Variants in TTC3 observed in about 807,000 individuals in gnomAD.
TTC3 encodes the protein E3 ubiquitin-protein ligase TTC3.
Under a neutral mutation model 249.6 loss-of-function variants are expected in TTC3, and 180 were observed. The observed-to-expected ratio is 0.72, with a 90% CI of 0.64 to 0.82. TTC3 has a LOEUF of 0.82. TTC3 is among the 40% of genes least tolerant of loss of function. The pLI, the probability that TTC3 is intolerant of heterozygous loss-of-function variation, is 0.00. For synonymous variants in TTC3, 717 were observed against 805.0 expected (o/e 0.89, Z 1.85); for missense variants, 2,061 against 2,398.4 (o/e 0.86, Z 2.94).
At chr21:37,141,484 T>C (rs761219200) in intron 20 of TTC3, among the ~76,000 whole-genome samples, 1 of 152,076 alleles carries the variant, frequency 6.6e-6, no homozygotes, top group Non-Finnish European at 1.5e-5. Context: ...GAAAGTTTTT[T>C]TTTGGCCAGG....
In TTC3 at chr21:37,107,188, A is replaced by G. The variant is rs546325635; in HGVS notation, c.846-1204A>G. ...CTTTAAGAGTGATGAATTAGCATAA[A>G]TATGAATGTGAAATGATGAACCAGC... On this transcript the variant is annotated intron_variant, in intron 10 of 45. Transcript: ENST00000355666. Among the ~76,000 whole-genome samples, 7 of 152,228 alleles carry G rather than the reference A, an allele frequency of 4.6e-5. No homozygotes were observed. The East Asian group carries it at 1.4e-3, about 29-fold the overall frequency.
intron 10 of TTC3, among the ~76,000 whole-genome samples, chr21:37,104,263 A>G (rs1375221899): frequency 2.0e-5 from 3 of 152,202 alleles, no homozygotes; most frequent in Non-Finnish European, 4.4e-5. Flanking sequence ...TGTAGGAGGT[A>G]GAACTGGACT....
At chr21:37,177,001 C>A (rs2040126) in intron 35 of TTC3, among the ~76,000 whole-genome samples, 18,955 of 152,178 alleles carry the variant, frequency 0.12, 1,335 homozygotes, top group Admixed American at 0.16. Context: ...TGACACATGA[C>A]TGTAATCGCT....
At chr21:37,136,434 A>C (rs957216371) in intron 18 of TTC3, among the ~76,000 whole-genome samples, 1 of 152,226 alleles carries the variant, frequency 6.6e-6, no homozygotes, top group African/African-American at 2.4e-5. Flanking sequence ...AAGAAAGTGA[A>C]ACAACTTTCT....
chr21:37,144,318 G>A (rs929842512), intron 20 of TTC3, among the ~76,000 whole-genome samples: 20 of 151,984 alleles, frequency 1.3e-4, no homozygotes, highest in Admixed American at 5.2e-4. Context: ...TGTCCAAGAC[G>A]AGTTGTGTTT....
intron 28 of TTC3, chr21:37,158,330 C>T (rs746198453): frequency 1.8e-4 from 86 of 465,674 alleles, no homozygotes; most frequent in Non-Finnish European, 2.3e-4. Flanking sequence ...GTGTTCTCTA[C>T]ATATAATACA....
At chr21:37,124,112 C>CTTTTTGTTTTTTT (rs2076852570) in intron 13 of TTC3, among the ~76,000 whole-genome samples, 1 of 61,272 alleles carries the variant, frequency 1.6e-5, no homozygotes, top group Non-Finnish European at 2.8e-5. Context: ...TTGAACTGTT[C>CTTTTTGTTTTTTT]TTTTTTTTTT....
rs141884251 is a variant in TTC3 at position 37,087,319 on chromosome 21, C to T, written c.62C>T (p.Pro21Leu). 6 of 1,613,948 alleles carry T rather than the reference C, an allele frequency of 3.7e-6. No homozygotes were observed. The highest frequency in any genetic ancestry group is 1.6e-4 in the Middle Eastern group (1 of 6,078). ...GATTATGCCTTGTTAGAAGATTGCC[C>T]TCACGTGGATGATTGTGTCTTTGCT... Residue 21 changes from proline to leucine, a missense_variant, in exon 2 of 46, where the codon CCT becomes CTT. Around this residue, in one of 3 missense-constraint regions of TTC3, gnomAD observed 989 missense variants for 1,145.1 expected, o/e 0.86. Coordinates refer to ENST00000355666, the Ensembl canonical transcript of TTC3.
chr21:37,173,058 T>C (rs1472510192), intron 35 of TTC3, among the ~76,000 whole-genome samples: 2 of 152,150 alleles, frequency 1.3e-5, no homozygotes, highest in African/African-American at 4.8e-5. Flanking sequence ...TTGTTTATAT[T>C]GAGAGGCAGC....
At chr21:37,121,677 A>G in intron 11 of TTC3, 140 bp from the exon 12 acceptor site, 2 of 746,208 alleles carry the variant, frequency 2.7e-6, no homozygotes, top group Non-Finnish European at 4.0e-6. Flanking sequence ...TTAACATTTT[A>G]CATTTATTTT....
At chr21:37,111,770 C>G (rs2075684598) in intron 11 of TTC3, among the ~76,000 whole-genome samples, 1 of 152,150 alleles carries the variant, frequency 6.6e-6, no homozygotes, top group Admixed American at 6.5e-5. Context: ...CACACCACAC[C>G]TATTCCAAAA....
intron 35 of TTC3, among the ~76,000 whole-genome samples, chr21:37,180,760 T>TA (rs35337236): frequency 9.0e-5 from 13 of 145,050 alleles, no homozygotes; most frequent in South Asian, 6.5e-4. Flanking sequence ...TAAAGTATAA[T>TA]AAAAAAAAAT....
At chr21:37,115,378 G>T (rs974378746) in intron 11 of TTC3, among the ~76,000 whole-genome samples, 2 of 152,104 alleles carry the variant, frequency 1.3e-5, no homozygotes, top group East Asian at 3.8e-4. Flanking sequence ...GAGGCTGATA[G>T]TCTGGTGTTG....
intron 11 of TTC3, 42 bp from the exon 12 acceptor site, chr21:37,121,775 G>A (rs769141259): frequency 4.6e-6 from 7 of 1,506,050 alleles, no homozygotes; most frequent in Non-Finnish European, 6.2e-6. Flanking sequence ...TTTAACTTAA[G>A]CATATTTTTG....
intron 35 of TTC3, among the ~76,000 whole-genome samples, chr21:37,173,348 A>G (rs2081970972): frequency 6.6e-6 from 1 of 152,216 alleles, no homozygotes; most frequent in African/African-American, 2.4e-5. Flanking sequence ...GTATAAGAAT[A>G]ACACATGGAG....
intron 21 of TTC3, 51 bp downstream of exon 21, chr21:37,144,696 TTGAC>T: frequency 1.3e-6 from 2 of 1,575,960 alleles, no homozygotes; most frequent in Non-Finnish European, 1.7e-6. Flanking sequence ...CTTATCTGCA[TTGAC>T]TGACTCAGGT....
chr21:37,189,154 A>G (rs1190423108), intron 39 of TTC3, among the ~76,000 whole-genome samples: 1 of 152,224 alleles, frequency 6.6e-6, no homozygotes, highest in Admixed American at 6.5e-5. Context: ...AGTAGCTATT[A>G]TTTAACAGTC....
exon 33 of TTC3, chr21:37,165,821 G>A (rs2148075205): frequency 6.2e-7 from 1 of 1,614,186 alleles, no homozygotes; most frequent in South Asian, 1.1e-5. Context: ...GTATGTACGA[G>A]TTAAACTACA....
chr21:37,135,938 C>T (rs1237937333), intron 18 of TTC3, among the ~76,000 whole-genome samples: 2 of 152,166 alleles, frequency 1.3e-5, no homozygotes, highest in African/African-American at 2.4e-5. Flanking sequence ...AGCATGTGCT[C>T]ACCTCATGTC....
Sources: gnomAD v4.1 joint callset for allele counts (sites outside exome capture counted in the v4.1 genomes callset) on GRCh38, gnomAD v4.1.1 for gene constraint, gnomAD v4.1.1 regional missense constraint, MANE v1.5 for transcripts, NCBI Gene and HGNC (gene_info 2026-07-23, HGNC 2026-07-21) for gene names.